Variants in MORF4L1 observed in about 807,000 individuals in gnomAD.
MORF4L1 encodes the protein mortality factor 4 like 1.
MORF4L1 carries 4 observed loss-of-function variants against 52.9 expected under a neutral mutation model. That is an observed-to-expected ratio of 0.08 (90% CI 0.04 to 0.17). The LOEUF (loss-of-function observed/expected upper bound fraction) is 0.17. MORF4L1 is among the 10% of genes least tolerant of loss of function. The probability of loss-of-function intolerance (pLI) is 1.00; values close to 1 mark genes in which losing one functional copy is unlikely to be tolerated. For missense variants in MORF4L1, 214 were observed against 390.4 expected (o/e 0.55, Z 3.81); for synonymous variants, 123 against 134.8 (o/e 0.91, Z 0.61).
intron 5 of MORF4L1, among the ~76,000 whole-genome samples, chr15:78,887,987 C>G (rs2056736186): frequency 6.6e-6 from 1 of 152,202 alleles, no homozygotes; most frequent in South Asian, 2.1e-4. Context: ...CCATGTTGGT[C>G]AGGCTGACCT....
intron 4 of MORF4L1, among the ~76,000 whole-genome samples, chr15:78,886,641 G>A (rs1212588827): frequency 6.6e-6 from 1 of 152,138 alleles, no homozygotes; most frequent in African/African-American, 2.4e-5. Flanking sequence ...TAATCTCAAA[G>A]TTGAAATGTA....
chr15:78,895,662 G>A (rs1466428358), intron 11 of MORF4L1, among the ~76,000 whole-genome samples: 2 of 152,186 alleles, frequency 1.3e-5, no homozygotes, highest in Admixed American at 6.5e-5. Flanking sequence ...GTTACTTGTA[G>A]AGAAACATTA....
At chr15:78,884,375 G>A (rs545523424) in intron 3 of MORF4L1, among the ~76,000 whole-genome samples, 10 of 151,980 alleles carry the variant, frequency 6.6e-5, no homozygotes, top group Non-Finnish European at 1.3e-4. Flanking sequence ...GTAGTGGCGC[G>A]CACCTGTAGT....
chr15:78,889,911 G>A (rs2056769563), intron 5 of MORF4L1, among the ~76,000 whole-genome samples: 1 of 151,996 alleles, frequency 6.6e-6, no homozygotes, highest in South Asian at 2.1e-4. Context: ...TTCCTTTGTG[G>A]TCTAGAAATA....
chr15:78,888,407 C>T (rs1040298025), intron 5 of MORF4L1, among the ~76,000 whole-genome samples: 1 of 151,098 alleles, frequency 6.6e-6, no homozygotes, highest in Non-Finnish European at 1.5e-5. Flanking sequence ...GTCAAGGCTG[C>T]ACTTTAGTCT....
intron 4 of MORF4L1, among the ~76,000 whole-genome samples, chr15:78,886,992 A>G (rs2056717088): frequency 6.6e-6 from 1 of 152,032 alleles, no homozygotes; most frequent in Non-Finnish European, 1.5e-5. Flanking sequence ...GGTAATGGGA[A>G]CAAATAAAAC....
chr15:78,897,864 A>G lies in MORF4L1; in HGVS notation c.*797A>G, dbSNP rs942901994. 3.9e-5 allele frequency: 6 copies of G among 152,462 alleles called. No individual in the cohort carries two copies. Among genetic ancestry groups the G allele is most frequent in the Admixed American group, 1.3e-4 (2 of 15,268 alleles). 9.4% of individuals were successfully genotyped at this position (152,462 alleles called of 1,614,324 possible). ...TGGCCTTTATGGAATGAGACGCTTT[A>G]GCTTTGGTACGTAGCGCTAATCCAT... On this transcript the variant is annotated 3_prime_UTR_variant, in exon 12 of 12. Transcript: ENST00000426013.
intron 8 of MORF4L1, 145 bp downstream of exon 8, chr15:78,892,458 T>C (rs1175601673): frequency 2.1e-5 from 11 of 516,624 alleles, no homozygotes; most frequent in East Asian, 1.8e-4. Flanking sequence ...CTGAACACTT[T>C]AGAACTACTA....
chr15:78,887,938 C>G (rs950274086), intron 5 of MORF4L1, among the ~76,000 whole-genome samples: 2 of 152,198 alleles, frequency 1.3e-5, no homozygotes, highest in Non-Finnish European at 2.9e-5. Context: ...GCCACCACGC[C>G]TGGCTGATTT....
intron 1 of MORF4L1, chr15:78,877,939 A>G: frequency 6.2e-6 from 2 of 321,912 alleles, no homozygotes. Flanking sequence ...TTTGCAGGAG[A>G]GTCCGCTTAT....
At chr15:78,876,275 A>G (rs960421192) in intron 1 of MORF4L1, among the ~76,000 whole-genome samples, 1 of 152,072 alleles carries the variant, frequency 6.6e-6, no homozygotes, top group Non-Finnish European at 1.5e-5. Flanking sequence ...AACTTGTTAA[A>G]AAAAAAACAA....
At chr15:78,886,758 A>G (rs2141473964) in intron 4 of MORF4L1, among the ~76,000 whole-genome samples, 1 of 152,298 alleles carries the variant, frequency 6.6e-6, no homozygotes. Context: ...GATCAAGACC[A>G]TCCTGGCTAA....
chr15:78,887,211 A>G (rs1567310755), intron 4 of MORF4L1, 58 bp from the exon 5 acceptor site: 1 of 1,416,802 alleles, frequency 7.1e-7, no homozygotes, highest in Non-Finnish European at 9.7e-7. Context: ...CAGGCTGACA[A>G]TTTTTTTTTC....
At chr15:78,883,147 G>A (rs1452556686) in intron 3 of MORF4L1, among the ~76,000 whole-genome samples, 2 of 151,004 alleles carry the variant, frequency 1.3e-5, no homozygotes, top group Non-Finnish European at 2.9e-5. Context: ...CCCAGGAGGC[G>A]AAGGTTGCAG....
At chr15:78,891,669 T>C in intron 7 of MORF4L1, 97 bp downstream of exon 7, 1 of 986,998 alleles carries the variant, frequency 1.0e-6, no homozygotes, top group Non-Finnish European at 1.5e-6. Flanking sequence ...AAGATTTGCT[T>C]ACATGGTTAA....
intron 2 of MORF4L1, among the ~76,000 whole-genome samples, chr15:78,879,195 ACTCTCT>A (rs371479414): frequency 9.9e-5 from 15 of 151,666 alleles, no homozygotes; most frequent in African/African-American, 3.6e-4. Flanking sequence ...ACCAAGCGAG[ACTCTCT>A]CTCTCTTTAT....
intron 3 of MORF4L1, among the ~76,000 whole-genome samples, chr15:78,885,457 C>T (rs2056685595): frequency 6.6e-6 from 1 of 152,186 alleles, no homozygotes; most frequent in Admixed American, 6.5e-5. Context: ...TTTAGAAAGC[C>T]AGCTTTCTGA....
intron 5 of MORF4L1, chr15:78,890,601 C>T (rs1213238435): frequency 1.3e-5 from 2 of 153,646 alleles, no homozygotes; most frequent in African/African-American, 4.8e-5. Context: ...CTCACCTCAG[C>T]TTCCCAAGTA....
At chr15:78,884,537 G>A (rs1378316598) in intron 3 of MORF4L1, among the ~76,000 whole-genome samples, 1 of 151,450 alleles carries the variant, frequency 6.6e-6, no homozygotes, top group Non-Finnish European at 1.5e-5. Context: ...TACTCAGGAG[G>A]CTGAGGCAGG....
Sources: allele counts gnomAD v4.1 joint callset (sites outside exome capture counted in the v4.1 genomes callset), GRCh38; gene constraint gnomAD v4.1.1; transcripts MANE v1.5; gene names NCBI Gene and HGNC (gene_info 2026-07-23, HGNC 2026-07-21).